ARV1: variants seen among roughly 807,000 people sequenced by gnomAD.
ARV1 encodes the protein protein ARV1.
A neutral mutation model predicts 31.1 loss-of-function variants in ARV1; 26 were observed. The observed-to-expected ratio is 0.84, with a 90% CI of 0.61 to 1.16. The LOEUF is 1.16. ARV1 is among the 50% of genes most tolerant of loss of function. ARV1 has a pLI of 0.00. For missense variants in ARV1, 281 were observed against 324.9 expected, an observed-to-expected ratio of 0.86 and a Z score of 1.04; for synonymous variants, 117 against 123.2, an observed-to-expected ratio of 0.95 and a Z score of 0.34.
At chr1:230,988,297 A>G in intron 1 of ARV1, 23 bp from the exon 2 acceptor site, 1 of 1,574,878 alleles carries the variant, frequency 6.3e-7, no homozygotes, top group East Asian at 2.3e-5. Context: ...TGCTTGTTCT[A>G]ATATTATCTT....
At chr1:230,988,471 A>G in intron 2 of ARV1, 32 bp downstream of exon 2, 1 of 1,443,576 alleles carries the variant, frequency 6.9e-7, no homozygotes, top group East Asian at 2.4e-5. Context: ...TTTTAATTTT[A>G]TTTGATGCTG....
chr1:230,979,196 C>T lies in ARV1; in HGVS notation c.91C>T (p.Gln31Ter). 1.2e-6 allele frequency: 2 copies of T among 1,613,484 alleles called. No individual in the cohort carries two copies. Among genetic ancestry groups the T allele is most frequent in the Non-Finnish European group, 1.7e-6 (2 of 1,179,746 alleles). The change falls in exon 1 of 6, where the codon CAG becomes TAG. Residue 31 changes from glutamine to a stop codon, truncating the protein, a stop_gained. Transcript: ENST00000310256. LOFTEE classifies it high-confidence loss of function. ...ATPTAASASC[Q>*]YRCIECNQEA... is the part of the protein sequence containing the mutation. ...TCCTACTGCTGCCTCGGCCTCCTGC[C>T]AGTACAGGTGCATCGAATGCAACCA...
intron 1 of ARV1, among the ~76,000 whole-genome samples, chr1:230,983,796 G>A (rs1678978144): frequency 6.6e-6 from 1 of 152,236 alleles, no homozygotes; most frequent in African/African-American, 2.4e-5. Context: ...GTTTAGACAG[G>A]TGATGGAAGC....
At chr1:230,991,424 A>T (rs185970355) in intron 3 of ARV1, among the ~76,000 whole-genome samples, 1 of 152,154 alleles carries the variant, frequency 6.6e-6, no homozygotes, top group East Asian at 1.9e-4. Context: ...CAACATCACC[A>T]CTTGGATATC....
intron 1 of ARV1, among the ~76,000 whole-genome samples, chr1:230,986,668 A>ATTTTTTTTTTTTTTTTTTTTTTTTTT (rs1162209283): frequency 3.2e-5 from 2 of 62,292 alleles, no homozygotes; most frequent in African/African-American, 5.6e-5. Context: ...TACTTTTCCT[A>ATTTTTTTTTTTTTTTTTTTTTTTTTT]TTTTTTTTTT....
chr1:230,984,887 A>C (rs758951630), intron 1 of ARV1, among the ~76,000 whole-genome samples: 1 of 152,224 alleles, frequency 6.6e-6, no homozygotes, highest in Non-Finnish European at 1.5e-5. Flanking sequence ...TGGGAACTTC[A>C]TACATTGTTG....
chr1:230,997,303 T>A, intron 5 of ARV1, 36 bp downstream of exon 5: 1 of 1,600,932 alleles, frequency 6.2e-7, no homozygotes, highest in Non-Finnish European at 8.5e-7. Flanking sequence ...CATTCAGACA[T>A]GTAGCCTTCT....
intron 3 of ARV1, among the ~76,000 whole-genome samples, chr1:230,995,062 G>A (rs1167592358): frequency 6.6e-6 from 1 of 152,116 alleles, no homozygotes; most frequent in Non-Finnish European, 1.5e-5. Context: ...TTGGGTAATC[G>A]GATGACTAAC....
At chr1:230,986,460 C>G (rs995254639) in intron 1 of ARV1, among the ~76,000 whole-genome samples, 4 of 152,044 alleles carry the variant, frequency 2.6e-5, no homozygotes, top group Non-Finnish European at 4.4e-5. Context: ...GGTTTTTACA[C>G]TCGCAACTCT....
At chr1:230,985,921 A>ATTTT (rs5781616) in intron 1 of ARV1, among the ~76,000 whole-genome samples, 69 of 148,366 alleles carry the variant, frequency 4.7e-4, no homozygotes, top group South Asian at 1.7e-3. Context: ...ATTAAGCAGA[A>ATTTT]TTTTTTTTTT....
Position 230,979,118 on chromosome 1 carries a change from G to C in ARV1, c.13G>C (p.Gly5Arg). The C allele has an allele frequency of 1.3e-6, 2 of 1,597,526 alleles. No homozygotes were observed. Among genetic ancestry groups the C allele is most frequent in the Non-Finnish European group, 1.7e-6 (2 of 1,173,296 alleles). The change falls in exon 1 of 6, where the codon GGG (glycine) becomes CGG (arginine). Residue 5 changes from glycine (G) to arginine (R), a missense_variant. Physicochemically the swap from Gly to Arg is moderately radical, Grantham distance 125 (BLOSUM62 -2). Transcript: ENST00000310256. Reference protein sequence around the residue: MGNGGRSGLQQGKGN... With the variant: MGNGRRSGLQQGKGN... ...CAGTTGAGTGGAAATGGGCAACGGC[G>C]GGCGGAGCGGCCTGCAGCAGGGGAA...
chr1:230,994,363 A>G (rs1373141019), intron 3 of ARV1, among the ~76,000 whole-genome samples: 2 of 152,116 alleles, frequency 1.3e-5, no homozygotes, highest in Non-Finnish European at 2.9e-5. Context: ...GTTATTCGCT[A>G]TTCTTTCACT....
Position 230,990,201 on chromosome 1 carries a change from A to C in ARV1, c.386A>C (p.Asp129Ala). Residue 129 changes from aspartate to alanine, a missense_variant, in exon 3 of 6, where the codon GAT (aspartate) becomes GCT (alanine). Physicochemically the swap from Asp to Ala is moderately radical, Grantham distance 126. Transcript: ENST00000310256. Reference protein sequence around the residue: ...LQDSNQNTAPDDLIRYAKEWD... With the variant: ...LQDSNQNTAPADLIRYAKEWD... The stretch of plus-strand genomic sequence containing the variant: ...GATTCCAACCAGAATACTGCCCCTG[A>C]TGACTTGATCAGATATGCTAAGGAA... 6.2e-7 allele frequency: 1 copy of C among 1,613,354 alleles called. No individual in the cohort carries two copies.
intron 3 of ARV1, among the ~76,000 whole-genome samples, chr1:230,994,051 G>A (rs1190514816): frequency 6.6e-6 from 1 of 152,128 alleles, no homozygotes; most frequent in Non-Finnish European, 1.5e-5. Flanking sequence ...AGATTTTCCC[G>A]AAGTCTCACA....
At chr1:230,988,113 C>T (rs527691386) in intron 1 of ARV1, among the ~76,000 whole-genome samples, 92 of 152,186 alleles carry the variant, frequency 6.0e-4, no homozygotes, top group African/African-American at 2.0e-3. Flanking sequence ...TATTAATATT[C>T]CTAGCCTAGA....
intron 1 of ARV1, among the ~76,000 whole-genome samples, chr1:230,983,131 T>A (rs922310778): frequency 6.6e-6 from 1 of 152,142 alleles, no homozygotes; most frequent in African/African-American, 2.4e-5. Context: ...TACAGTACTT[T>A]CGGCCTAGCA....
intron 3 of ARV1, among the ~76,000 whole-genome samples, chr1:230,993,643 C>G (rs189079214): frequency 6.6e-6 from 1 of 152,084 alleles, no homozygotes; most frequent in Non-Finnish European, 1.5e-5. Context: ...ACCTGTAATC[C>G]CAGCACTTTG....
chr1:230,979,240 C>T lies in ARV1; in HGVS notation c.135C>T (p.Tyr45=), dbSNP rs766757131. Residue 45 remains tyrosine (Y), a synonymous_variant, in exon 1 of 6, where the codon TAC becomes TAT. Transcript: ENST00000310256. ...GCAACCAGGAGGCCAAAGAGTTGTA[C>T]CGAGACTATAACCACGGTGTGCTGA... is the stretch of plus-strand genomic sequence containing the variant. The part of the protein sequence containing the change: ...IECNQEAKEL[Y]RDYNHGVLKI... 4.3e-6 allele frequency: 7 copies of T among 1,613,296 alleles called. No homozygotes were observed. In the African/African-American group the frequency reaches 5.3e-5, roughly 12 times the overall value.
intron 1 of ARV1, among the ~76,000 whole-genome samples, chr1:230,981,163 A>G (rs985438167): frequency 6.6e-6 from 1 of 152,072 alleles, no homozygotes; most frequent in African/African-American, 2.4e-5. Context: ...CCTCTTAATC[A>G]TGGTGTATTC....
Sources: allele counts gnomAD v4.1 joint callset (sites outside exome capture counted in the v4.1 genomes callset), GRCh38; gene constraint gnomAD v4.1.1; transcripts MANE v1.5; gene names NCBI Gene and HGNC (gene_info 2026-07-23, HGNC 2026-07-21).